BLTP1: variants seen among roughly 807,000 people sequenced by gnomAD.
BLTP1 encodes bridge-like lipid transfer protein family member 1, also known as fragile site-associated protein.
chr4:122,258,576 A>G, the BLTP1 span: 1 of 1,288,420 alleles, frequency 7.8e-7, no homozygotes, highest in Non-Finnish European at 1.0e-6. Context: ...TGGGGGAGAA[A>G]ATAATAAATA....
At chr4:122,161,797 C>T in the BLTP1 span, among the ~76,000 whole-genome samples, 74 of 152,272 alleles carry the variant, frequency 4.9e-4, no homozygotes, top group Admixed American at 1.4e-3. Flanking sequence ...ATTAGAAATA[C>T]TTGCCTATCT....
the BLTP1 span, chr4:122,309,436 A>G: frequency 6.2e-7 from 1 of 1,613,196 alleles, no homozygotes; most frequent in Non-Finnish European, 8.5e-7. Context: ...GGAAACCAGA[A>G]ATTCATGGGG....
chr4:122,305,350 T>C, the BLTP1 span: 2 of 947,566 alleles, frequency 2.1e-6, no homozygotes, highest in Non-Finnish European at 2.5e-6. Flanking sequence ...GTTCTGCATA[T>C]AGTAATGTTA....
the BLTP1 span, chr4:122,243,077 A>C: frequency 1.2e-6 from 2 of 1,611,442 alleles, no homozygotes; most frequent in Non-Finnish European, 8.5e-7. Context: ...AAGTAAGTAA[A>C]AATATCATGC....
the BLTP1 span, chr4:122,197,354 C>G: frequency 3.7e-6 from 4 of 1,080,654 alleles, no homozygotes; most frequent in Non-Finnish European, 5.0e-6. Context: ...TCATCTTAGA[C>G]TAACATTAAT....
the BLTP1 span, among the ~76,000 whole-genome samples, chr4:122,186,826 A>G: frequency 2.0e-5 from 3 of 151,960 alleles, no homozygotes; most frequent in African/African-American, 4.8e-5. Flanking sequence ...AGCCACACCT[A>G]TTTATTTATA....
chr4:122,200,891 C>A, the BLTP1 span: 1 of 1,412,102 alleles, frequency 7.1e-7, no homozygotes. Flanking sequence ...ACCTTCTGTT[C>A]AGCTCAGTAG....
At chr4:122,258,428 C>G in the BLTP1 span, among the ~76,000 whole-genome samples, 1 of 152,210 alleles carries the variant, frequency 6.6e-6, no homozygotes, top group African/African-American at 2.4e-5. Flanking sequence ...GCAAATCCCT[C>G]TGTTAATCTA....
the BLTP1 span, among the ~76,000 whole-genome samples, chr4:122,300,291 G>A: frequency 4.0e-4 from 61 of 152,258 alleles, no homozygotes; most frequent in Middle Eastern, 3.4e-3. Flanking sequence ...ATTAAGGCAT[G>A]AGCCACCGTG....
the BLTP1 span, chr4:122,328,499 AATTT>A: frequency 2.4e-5 from 19 of 779,512 alleles, no homozygotes; most frequent in South Asian, 7.7e-5. Flanking sequence ...ATTAAAATAA[AATTT>A]ATTTTAATAA....
the BLTP1 span, chr4:122,214,317 T>A: frequency 1.1e-6 from 1 of 923,826 alleles, no homozygotes; most frequent in Non-Finnish European, 1.3e-6. Context: ...TTAAGTAAAT[T>A]GAAATGTAGT....
chr4:122,178,770 A>G, the BLTP1 span, among the ~76,000 whole-genome samples: 4 of 152,182 alleles, frequency 2.6e-5, no homozygotes, highest in Admixed American at 1.3e-4. Context: ...GCATTAGTGC[A>G]TAATTTTTCC....
At chr4:122,310,116 A>G in the BLTP1 span, among the ~76,000 whole-genome samples, 1 of 152,082 alleles carries the variant, frequency 6.6e-6, no homozygotes, top group South Asian at 2.1e-4. Context: ...AAATTCCTCA[A>G]TCTTGTAAAC....
the BLTP1 span, chr4:122,268,885 G>A: frequency 4.6e-5 from 7 of 152,234 alleles, no homozygotes; most frequent in African/African-American, 1.7e-4. Flanking sequence ...TGATCACAGT[G>A]CTCATCTGTT....
At chr4:122,322,532 G>A in the BLTP1 span, among the ~76,000 whole-genome samples, 1 of 151,998 alleles carries the variant, frequency 6.6e-6, no homozygotes, top group Admixed American at 6.6e-5. Flanking sequence ...TGCTTGTTCT[G>A]TCTCTTTAGA....
chr4:122,201,823 T>TATCC, the BLTP1 span: 12 of 962,006 alleles, frequency 1.2e-5, no homozygotes, highest in Admixed American at 1.2e-4. Flanking sequence ...TTGCTACATT[T>TATCC]ATCCATCCAT....
chr4:122,214,616 CTTTTTTT>C, the BLTP1 span: 103 of 78,398 alleles, frequency 1.3e-3, no homozygotes, highest in Non-Finnish European at 1.8e-3. Context: ...TCAGTAAATT[CTTTTTTT>C]TTTTTTTTTT....
At chr4:122,192,319 TG>T in the BLTP1 span, 2 of 1,613,730 alleles carry the variant, frequency 1.2e-6, no homozygotes. Context: ...TGTTGGGGAC[TG>T]GATATAGTTT....
At chr4:122,204,547 T>C in the BLTP1 span, 1 of 984,772 alleles carries the variant, frequency 1.0e-6, no homozygotes, top group Non-Finnish European at 1.2e-6. Flanking sequence ...ATTTTCAGAC[T>C]GCAGACTGTT....
Sources: gnomAD v4.1 joint callset for allele counts (sites outside exome capture counted in the v4.1 genomes callset) on GRCh38, gnomAD v4.1.1 for gene constraint, MANE v1.5 for transcripts, NCBI Gene and HGNC (gene_info 2026-07-23, HGNC 2026-07-21) for gene names.